LRCH1: variants seen among roughly 807,000 people sequenced by gnomAD.
The protein encoded by LRCH1 is leucine rich repeats and calponin homology domain containing 1, also known as leucine-rich repeat and calponin homology domain-containing protein 1.
A neutral mutation model predicts 94.9 loss-of-function variants in LRCH1; 23 were observed. The observed-to-expected ratio is 0.24, with a 90% CI of 0.17 to 0.34. The LOEUF is 0.34. Ranked by LOEUF, LRCH1 falls within the 10% of genes least tolerant of loss-of-function variation. The probability of loss-of-function intolerance (pLI) is 1.00; values close to 1 mark genes in which losing one functional copy is unlikely to be tolerated. For synonymous variants in LRCH1, 364 were observed against 354.9 expected, an observed-to-expected ratio of 1.03 and a Z score of -0.29; for missense variants, 790 against 945.9, an observed-to-expected ratio of 0.84 and a Z score of 2.16.
intron 1 of LRCH1, among the ~76,000 whole-genome samples, chr13:46,613,173 C>T (rs1309810976): frequency 6.6e-6 from 1 of 152,108 alleles, no homozygotes. Context: ...AGGAGGATCA[C>T]GAGGTCAGGA....
Position 46,715,626 on chromosome 13 carries a change from C to T in LRCH1, c.1721C>T (p.Ser574Phe). ...ACACAGGCACAGACATGGGACAGCT[C>T]TAGCTACAGTGTTCCATCTGAAGGA... The part of the protein sequence containing the change: ...TLTQAQTWDS[S>F]SYSVPSEGDS... The change falls in exon 16 of 20, where the codon TCT becomes TTT. Residue 574 changes from serine to phenylalanine, a missense_variant. Ser to Phe is a radical substitution (Grantham distance 155). This residue lies in a region of LRCH1 where 460 missense variants were observed against 508.9 expected (regional missense o/e 0.90). Coordinates refer to ENST00000389797, the MANE Select transcript of LRCH1 (RefSeq NM_001164211.2). 1 of 1,537,090 alleles carries T rather than the reference C, an allele frequency of 6.5e-7. No individual in the cohort carries two copies. The highest frequency in any genetic ancestry group is 8.7e-7 in the Non-Finnish European group (1 of 1,146,756).
At chr13:46,655,066 A>G (rs1219453157) in intron 2 of LRCH1, among the ~76,000 whole-genome samples, 1 of 152,236 alleles carries the variant, frequency 6.6e-6, no homozygotes, top group Non-Finnish European at 1.5e-5. Context: ...AAAACTGATT[A>G]CACCCTCTGG....
chr13:46,565,295 C>T (rs1384012596), intron 1 of LRCH1, among the ~76,000 whole-genome samples: 2 of 152,094 alleles, frequency 1.3e-5, no homozygotes, highest in African/African-American at 4.8e-5. Context: ...GGTGTACATG[C>T]TTTCAGTGTG....
At chr13:46,625,574 C>CGGACTCCTTGAGCCT (rs1223514186) in intron 1 of LRCH1, among the ~76,000 whole-genome samples, 1 of 150,252 alleles carries the variant, frequency 6.7e-6, no homozygotes, top group Admixed American at 6.6e-5. Flanking sequence ...TCCTTGAGCC[C>CGGACTCCTTGAGCCT]GGACTCCTTG....
chr13:46,591,758 G>A (rs2050502489), intron 1 of LRCH1, among the ~76,000 whole-genome samples: 1 of 152,186 alleles, frequency 6.6e-6, no homozygotes, highest in African/African-American at 2.4e-5. Flanking sequence ...ACCAATAATG[G>A]TGTTTTGAAC....
At chr13:46,635,562 C>T (rs1271639042) in intron 1 of LRCH1, among the ~76,000 whole-genome samples, 6 of 148,524 alleles carry the variant, frequency 4.0e-5, no homozygotes, top group Non-Finnish European at 7.4e-5. Flanking sequence ...GCTCTGCCTC[C>T]CAGGTTCTCA....
intron 4 of LRCH1, among the ~76,000 whole-genome samples, chr13:46,685,342 AG>A (rs1269897937): frequency 6.6e-6 from 1 of 152,224 alleles, no homozygotes; most frequent in Non-Finnish European, 1.5e-5. Flanking sequence ...ACTTTTTAAA[AG>A]CTGTAGAATA....
chr13:46,575,119 T>A (rs1298873031), intron 1 of LRCH1, among the ~76,000 whole-genome samples: 3 of 152,180 alleles, frequency 2.0e-5, no homozygotes, highest in Non-Finnish European at 4.4e-5. Context: ...AGAAATCCTC[T>A]TTAGGGTCCA....
chr13:46,653,323 T>A (rs531593597), intron 2 of LRCH1, among the ~76,000 whole-genome samples: 1 of 152,238 alleles, frequency 6.6e-6, no homozygotes, highest in Non-Finnish European at 1.5e-5. Flanking sequence ...TTGAGACCTA[T>A]TCTCCCATAC....
chr13:46,708,363 G>A (rs773470842), intron 13 of LRCH1, among the ~76,000 whole-genome samples: 2 of 146,776 alleles, frequency 1.4e-5, no homozygotes, highest in East Asian at 2.0e-4. Context: ...CCTCCACCTC[G>A]TGGGTTCAAG....
At chr13:46,614,254 A>C (rs973694322) in intron 1 of LRCH1, among the ~76,000 whole-genome samples, 1 of 152,142 alleles carries the variant, frequency 6.6e-6, no homozygotes, top group Admixed American at 6.6e-5. Context: ...TTTGATCTAT[A>C]TCTCCCCATT....
intron 1 of LRCH1, among the ~76,000 whole-genome samples, chr13:46,637,292 T>C (rs914618583): frequency 6.6e-6 from 1 of 152,174 alleles, no homozygotes; most frequent in African/African-American, 2.4e-5. Context: ...TGTCACCTCC[T>C]CCCTGGCCTC....
At chr13:46,612,439 C>T (rs1312471417) in intron 1 of LRCH1, among the ~76,000 whole-genome samples, 1 of 152,190 alleles carries the variant, frequency 6.6e-6, no homozygotes, top group Non-Finnish European at 1.5e-5. Context: ...AGTAACTTGA[C>T]ATGACATAAT....
chr13:46,691,099 A>G (rs926510507), intron 7 of LRCH1, among the ~76,000 whole-genome samples: 8 of 152,272 alleles, frequency 5.3e-5, no homozygotes, highest in African/African-American at 1.4e-4. Context: ...AAACAAGGAC[A>G]GACTCTGAAA....
At position 46,681,789 on chromosome 13, in the gene LRCH1, T is replaced by C; in HGVS notation, c.628T>C (p.Leu210=). 4 of 1,613,958 alleles carry C rather than the reference T, an allele frequency of 2.5e-6. No individual in the cohort carries two copies. The highest frequency in any genetic ancestry group is 3.4e-6 in the Non-Finnish European group (4 of 1,179,848). Residue 210 remains leucine (L), a synonymous_variant, in exon 4 of 20, where the codon TTG becomes CTG. Coordinates refer to ENST00000389797, the MANE Select transcript of LRCH1 (RefSeq NM_001164211.2). ...ITALPQQIGQ[L]KSLRELNVRR... is the part of the protein sequence containing the mutation. ...AGCGTTGCCCCAGCAGATAGGTCAGTTGAAATCTCTACGAGAACTGAATGT... is the reference window on the plus strand; with the variant it reads ...AGCGTTGCCCCAGCAGATAGGTCAGCTGAAATCTCTACGAGAACTGAATGT...
At chr13:46,689,696 C>T (rs1870800535) in intron 7 of LRCH1, among the ~76,000 whole-genome samples, 1 of 139,320 alleles carries the variant, frequency 7.2e-6, no homozygotes. Context: ...GTTTGTTTTC[C>T]TCAGACTCTT....
intron 1 of LRCH1, among the ~76,000 whole-genome samples, chr13:46,648,939 TG>T (rs1256394619): frequency 1.3e-5 from 2 of 152,176 alleles, no homozygotes; most frequent in Non-Finnish European, 2.9e-5. Flanking sequence ...ATTTATAAGG[TG>T]AATTGTTTTG....
At chr13:46,632,587 C>T (rs750340815) in intron 1 of LRCH1, among the ~76,000 whole-genome samples, 6 of 152,068 alleles carry the variant, frequency 3.9e-5, no homozygotes, top group Non-Finnish European at 5.9e-5. Context: ...AAAGATAAAA[C>T]CTACTTACTC....
At chr13:46,570,707 G>A (rs1229660104) in intron 1 of LRCH1, among the ~76,000 whole-genome samples, 1 of 152,238 alleles carries the variant, frequency 6.6e-6, no homozygotes, top group Non-Finnish European at 1.5e-5. Context: ...GTAGGGAAGA[G>A]TAGTACCATA....
Sources: gnomAD v4.1 joint callset for allele counts (sites outside exome capture counted in the v4.1 genomes callset) on GRCh38, gnomAD v4.1.1 for gene constraint, gnomAD v4.1.1 regional missense constraint, MANE v1.5 for transcripts, NCBI Gene and HGNC (gene_info 2026-07-23, HGNC 2026-07-21) for gene names.